ADGRB3: variants seen among roughly 807,000 people sequenced by gnomAD.
The protein encoded by ADGRB3 is adhesion G protein-coupled receptor B3.
In ADGRB3, 37 loss-of-function variants were observed where a neutral mutation model predicts 193.4. The ratio of observed to expected loss-of-function variants is 0.19; its 90% CI spans 0.15 to 0.25. The LOEUF (loss-of-function observed/expected upper bound fraction) is 0.25. ADGRB3 is among the 10% of genes least tolerant of loss of function. ADGRB3 has a pLI of 1.00. For synonymous variants in ADGRB3, 690 were observed against 644.2 expected (o/e 1.07, Z -1.08); for missense variants, 1,637 against 1,852.9 (o/e 0.88, Z 2.14).
At chr6:68,845,652 T>C (rs1220995847) in intron 3 of ADGRB3, among the ~76,000 whole-genome samples, 3 of 152,138 alleles carry the variant, frequency 2.0e-5, no homozygotes, top group Non-Finnish European at 4.4e-5. Context: ...GTTTCTGCTT[T>C]TGCTTCTTCC....
At chr6:68,713,204 G>T (rs1056129237) in intron 3 of ADGRB3, among the ~76,000 whole-genome samples, 5 of 151,876 alleles carry the variant, frequency 3.3e-5, no homozygotes, top group African/African-American at 4.8e-5. Context: ...ATGGCTGAGA[G>T]ATCAATGGAT....
At chr6:69,291,518 A>G (rs1286646746) in intron 20 of ADGRB3, among the ~76,000 whole-genome samples, 1 of 152,174 alleles carries the variant, frequency 6.6e-6, no homozygotes, top group Non-Finnish European at 1.5e-5. Context: ...AGCTTTTCAT[A>G]ATTATTACAA....
At chr6:69,209,106 G>T (rs185738090) in intron 17 of ADGRB3, among the ~76,000 whole-genome samples, 1 of 152,188 alleles carries the variant, frequency 6.6e-6, no homozygotes, top group Admixed American at 6.5e-5. Flanking sequence ...GACATCTCAA[G>T]CACCATTGGA....
chr6:68,871,885 G>A (rs538997), intron 3 of ADGRB3, among the ~76,000 whole-genome samples: 47,582 of 151,884 alleles, frequency 0.31, 8,088 homozygotes, highest in East Asian at 0.59. Context: ...GAACATTTTT[G>A]TGGAATGAAT....
intron 1 of ADGRB3, among the ~76,000 whole-genome samples, chr6:68,636,605 T>C (rs920976951): frequency 4.6e-5 from 7 of 151,990 alleles, no homozygotes; most frequent in African/African-American, 1.7e-4. Flanking sequence ...TTATTTTTTA[T>C]TATTTAGAAC....
At position 69,082,492 on chromosome 6, in the gene ADGRB3, TTATC is replaced by T. The variant is rs1772415699; in HGVS notation, c.2480+6458_2480+6461del. 2.0e-5 allele frequency among the ~76,000 whole-genome samples: 3 copies of T among 152,112 alleles called. No homozygotes were observed. The South Asian group carries it at 6.2e-4, about 31-fold the overall frequency. ...TAGTTCTACTTTTTTCCCCTCTCAG[TTATC>T]TATTTTAACTTACTTTCAGTTCATT... On this transcript the variant is annotated intron_variant, in intron 17 of 31. Transcript: ENST00000370598.
chr6:68,692,528 C>T (rs995876457), intron 3 of ADGRB3, among the ~76,000 whole-genome samples: 12 of 151,734 alleles, frequency 7.9e-5, no homozygotes, highest in African/African-American at 1.9e-4. Context: ...TATGCTACAC[C>T]GTTTCTTCAC....
At chr6:68,739,125 T>C (rs1235903706) in intron 3 of ADGRB3, among the ~76,000 whole-genome samples, 1 of 152,166 alleles carries the variant, frequency 6.6e-6, no homozygotes, top group Non-Finnish European at 1.5e-5. Flanking sequence ...GTAGCGATCA[T>C]TGATGATGAC....
intron 17 of ADGRB3, among the ~76,000 whole-genome samples, chr6:69,130,389 T>C (rs1453236253): frequency 1.3e-5 from 2 of 151,838 alleles, no homozygotes; most frequent in Non-Finnish European, 2.9e-5. Flanking sequence ...CTTGGCTATC[T>C]TAGTATGCCC....
Position 68,977,874 on chromosome 6 carries a change from A to G in ADGRB3, c.1734+2534A>G, listed in dbSNP as rs574815236. Among the ~76,000 whole-genome samples the G allele has an allele frequency of 8.9e-5, 13 of 145,340 alleles. 1 individual carries two copies. In the East Asian group the frequency reaches 2.5e-3, roughly 28 times the overall value. ...TCACTTCAGTGAGGTAAAGAGTGAA[A>G]AGTATGCCCTAGGCGCAATTGTTCC... On this transcript the variant is annotated intron_variant, in intron 10 of 31. Transcript: ENST00000370598.
intron 6 of ADGRB3, among the ~76,000 whole-genome samples, chr6:68,946,678 A>G (rs1486986139): frequency 6.6e-6 from 1 of 152,138 alleles, no homozygotes; most frequent in African/African-American, 2.4e-5. Flanking sequence ...GTAAAACCAC[A>G]AACTGTGTCT....
intron 3 of ADGRB3, among the ~76,000 whole-genome samples, chr6:68,784,496 T>G (rs1766920881): frequency 6.6e-6 from 1 of 152,200 alleles, no homozygotes; most frequent in Admixed American, 6.6e-5. Context: ...TTTCCTTGTA[T>G]ATCTACATAC....
chr6:69,295,211 G>A (rs1767785814), intron 20 of ADGRB3, among the ~76,000 whole-genome samples: 1 of 152,114 alleles, frequency 6.6e-6, no homozygotes, highest in South Asian at 2.1e-4. Flanking sequence ...AAATAACGAG[G>A]TAACAAGAGA....
intron 3 of ADGRB3, among the ~76,000 whole-genome samples, chr6:68,647,333 C>CT (rs1283958268): frequency 1.3e-5 from 2 of 152,024 alleles, no homozygotes; most frequent in Non-Finnish European, 1.5e-5. Flanking sequence ...TTTAATGTAT[C>CT]TAGTACCCAA....
chr6:68,858,590 C>T (rs1315453270), intron 3 of ADGRB3, among the ~76,000 whole-genome samples: 4 of 83,946 alleles, frequency 4.8e-5, no homozygotes, highest in Non-Finnish European at 9.5e-5. Context: ...GAGACCCTGA[C>T]TCAAAAAAAA....
intron 10 of ADGRB3, among the ~76,000 whole-genome samples, chr6:68,986,309 T>C (rs1174934788): frequency 6.6e-6 from 1 of 152,154 alleles, no homozygotes; most frequent in Admixed American, 6.6e-5. Flanking sequence ...TGAAGCACTT[T>C]TGGCCAAATG....
Position 68,758,000 on chromosome 6 carries a change from G to A in ADGRB3, c.757+118568G>A, listed in dbSNP as rs572472466. Among the ~76,000 whole-genome samples, 90 of 151,910 alleles carry A rather than the reference G, an allele frequency of 5.9e-4. 2 individuals carry two copies. In the South Asian group the frequency reaches 0.015, roughly 26 times the overall value. On this transcript the variant is annotated intron_variant, in intron 3 of 31. Transcript: ENST00000370598. ...TTTTAGAGTGTGTCCCTTCCCTGTCGCTAATGGGAAGCACCACAGTGAAAG... is the reference window on the plus strand; with the variant it reads ...TTTTAGAGTGTGTCCCTTCCCTGTCACTAATGGGAAGCACCACAGTGAAAG...
chr6:69,084,626 G>A lies in ADGRB3; in HGVS notation c.2480+8588G>A, dbSNP rs115161002. Among the ~76,000 whole-genome samples, 872 of 152,094 alleles carry A rather than the reference G, an allele frequency of 5.7e-3. 6 individuals carry two copies. The highest frequency in any genetic ancestry group is 0.02 in the African/African-American group (824 of 41,474). On this transcript the variant is annotated intron_variant, in intron 17 of 31. Transcript: ENST00000370598. ...ACTGAAAATCTTATAGGAGATAGGG[G>A]CTTTCAGTTTGTCAGTAAACATTTT...
chr6:68,674,157 T>A (rs1039937049), intron 3 of ADGRB3, among the ~76,000 whole-genome samples: 5 of 152,148 alleles, frequency 3.3e-5, no homozygotes, highest in African/African-American at 1.2e-4. Flanking sequence ...TGAGGCTGTC[T>A]GAGTGGTTGG....
Sources: allele counts gnomAD v4.1 joint callset (sites outside exome capture counted in the v4.1 genomes callset), GRCh38; gene constraint gnomAD v4.1.1; transcripts MANE v1.5; gene names NCBI Gene and HGNC (gene_info 2026-07-23, HGNC 2026-07-21).